SASH1: variants seen among roughly 807,000 people sequenced by gnomAD.
SASH1 encodes SAM and SH3 domain containing 1.
Under a neutral mutation model 125.2 loss-of-function variants are expected in SASH1, and 44 were observed. The observed-to-expected ratio is 0.35, with a 90% CI of 0.28 to 0.45. The LOEUF is 0.45. Ranked by LOEUF, SASH1 falls within the 20% of genes least tolerant of loss-of-function variation. SASH1 has a pLI of 1.00. For missense variants in SASH1, 1,426 were observed against 1,614.5 expected (o/e 0.88, Z 2.00); for synonymous variants, 639 against 649.1 (o/e 0.98, Z 0.24).
the SASH1 span, among the ~76,000 whole-genome samples, chr6:148,206,921 C>T: frequency 3.0e-3 from 461 of 152,224 alleles, 5 homozygotes; most frequent in African/African-American, 0.011. Context: ...CAGCCTTGTC[C>T]TCTAGTGTTC....
chr6:148,516,971 TTTAACCTAGGCTACA>T (rs1194417509), intron 9 of SASH1, among the ~76,000 whole-genome samples: 1 of 152,154 alleles, frequency 6.6e-6, no homozygotes, highest in Non-Finnish European at 1.5e-5. Flanking sequence ...CTGGCCAATC[TTTAACCTAGGCTACA>T]TTGGTGCCCT....
intron 2 of SASH1, among the ~76,000 whole-genome samples, chr6:148,404,436 A>G (rs1352888055): frequency 2.0e-5 from 3 of 152,160 alleles, no homozygotes; most frequent in Non-Finnish European, 4.4e-5. Context: ...AAATGGGTAT[A>G]CAAATATAAA....
intron 2 of SASH1, among the ~76,000 whole-genome samples, chr6:148,437,655 T>C (rs1223431301): frequency 6.6e-6 from 1 of 152,238 alleles, no homozygotes; most frequent in African/African-American, 2.4e-5. Context: ...CGGCATTGCG[T>C]GATGATCACG....
intron 4 of SASH1, among the ~76,000 whole-genome samples, chr6:148,450,829 A>G (rs1022544): frequency 0.89 from 135,654 of 151,972 alleles, 60,829 homozygotes; most frequent in African/African-American, 0.97. Context: ...AAGATGCCCT[A>G]CCTGATACCA....
chr6:148,260,427 C>T, the SASH1 span, among the ~76,000 whole-genome samples: 2 of 151,686 alleles, frequency 1.3e-5, no homozygotes, highest in Non-Finnish European at 2.9e-5. Context: ...GGCAATATAG[C>T]AAGAATGCGT....
intron 1 of SASH1, among the ~76,000 whole-genome samples, chr6:148,301,056 G>A (rs943325893): frequency 2.6e-5 from 4 of 151,822 alleles, no homozygotes; most frequent in Admixed American, 6.6e-5. Flanking sequence ...GGCCGGGCTC[G>A]GTGGCTCATA....
At chr6:148,206,039 A>G in the SASH1 span, among the ~76,000 whole-genome samples, 1 of 152,186 alleles carries the variant, frequency 6.6e-6, no homozygotes, top group Admixed American at 6.5e-5. Flanking sequence ...CTGTAAAAAT[A>G]TATATATAGA....
chr6:148,533,967 G>T lies in SASH1; in HGVS notation c.1931G>T (p.Arg644Leu). The change falls in exon 15 of 20, where the codon CGG becomes CTG. Residue 644 changes from arginine to leucine, a missense_variant. By Grantham distance (102) the Arg-to-Leu change is moderately radical. Around this residue, in one of 3 missense-constraint regions of SASH1, gnomAD observed 225 missense variants for 344.5 expected, o/e 0.65. Coordinates refer to ENST00000367467, the MANE Select transcript of SASH1 (RefSeq NM_015278.5). The surrounding 1 kb of genome is among the most constrained non-coding windows in gnomAD (Gnocchi z 6.2). Reference protein sequence around the residue: ...QPKSVEDLLDRINLKEHMPTF... With the variant: ...QPKSVEDLLDLINLKEHMPTF... Reference sequence around the variant, plus strand: ...AAGTCTGTGGAGGATCTCCTGGATCGGATTAACCTAAAAGTCAGTCGCTTC... The same window carrying T: ...AAGTCTGTGGAGGATCTCCTGGATCTGATTAACCTAAAAGTCAGTCGCTTC... 1 of 1,613,854 alleles carries T rather than the reference G, an allele frequency of 6.2e-7. No individual in the cohort carries two copies.
intron 4 of SASH1, among the ~76,000 whole-genome samples, chr6:148,441,940 ATT>A: frequency 6.6e-6 from 1 of 152,252 alleles, no homozygotes; most frequent in South Asian, 2.1e-4. Context: ...CATTTGTAAT[ATT>A]GTCATTTTGC....
chr6:148,514,999 G>A (rs1562473613), intron 9 of SASH1, among the ~76,000 whole-genome samples: 1 of 152,320 alleles, frequency 6.6e-6, no homozygotes, highest in East Asian at 1.9e-4. Flanking sequence ...TCTTTTAAGA[G>A]TTGTATTGCT....
chr6:148,278,164 C>T (rs9485265), intron 1 of SASH1, among the ~76,000 whole-genome samples: 1,786 of 152,182 alleles, frequency 0.012, 41 homozygotes, highest in African/African-American at 0.04. Context: ...CTCAGCCTGT[C>T]GAGTAGCATT....
At chr6:148,475,560 C>T (rs566247886) in intron 7 of SASH1, among the ~76,000 whole-genome samples, 1 of 152,314 alleles carries the variant, frequency 6.6e-6, no homozygotes, top group African/African-American at 2.4e-5. Context: ...AGTTTCACCT[C>T]TTAACACCGC....
At position 148,516,993 on chromosome 6, in the gene SASH1, C is replaced by T. The variant is rs908968977; in HGVS notation, c.862+2537C>T. On this transcript the variant is annotated intron_variant, in intron 9 of 19. Transcript: ENST00000367467. ...ATCTTTAACCTAGGCTACATTGGTGCCCTTTATCTGCCCATTTCTGTGTCT... is the reference window on the plus strand; with the variant it reads ...ATCTTTAACCTAGGCTACATTGGTGTCCTTTATCTGCCCATTTCTGTGTCT... Among the ~76,000 whole-genome samples, 5 of 152,164 alleles carry T rather than the reference C, an allele frequency of 3.3e-5. No individual in the cohort carries two copies. The East Asian group carries it at 9.6e-4, about 29-fold the overall frequency.
At chr6:148,351,498 C>T (rs769623421) in intron 1 of SASH1, among the ~76,000 whole-genome samples, 1 of 151,976 alleles carries the variant, frequency 6.6e-6, no homozygotes, top group African/African-American at 2.4e-5. Flanking sequence ...ACCCATCACT[C>T]TGCCTGGTTG....
rs138479575 is a variant in SASH1 at position 148,366,219 on chromosome 6, G to A, written c.156+22996G>A. 1.6e-3 allele frequency among the ~76,000 whole-genome samples: 249 copies of A among 152,228 alleles called. 1 individual carries two copies. The highest frequency in any genetic ancestry group is 5.3e-3 in the African/African-American group (222 of 41,536). On this transcript the variant is annotated intron_variant, in intron 1 of 19. Transcript: ENST00000367467. Reference sequence around the variant, plus strand: ...AGATTGCTTGAGCCTGGGACATTGTGGCTGCAGTGAGCTGTGTTCGCGCCA... The same window carrying A: ...AGATTGCTTGAGCCTGGGACATTGTAGCTGCAGTGAGCTGTGTTCGCGCCA...
chr6:148,486,212 C>T (rs1778835309), intron 7 of SASH1, among the ~76,000 whole-genome samples: 1 of 152,124 alleles, frequency 6.6e-6, no homozygotes, highest in Non-Finnish European at 1.5e-5. Context: ...CCTCTGCCTC[C>T]CAGGTTCAAG....
intron 1 of SASH1, among the ~76,000 whole-genome samples, chr6:148,347,890 T>C (rs1781571989): frequency 6.6e-6 from 1 of 152,190 alleles, no homozygotes; most frequent in African/African-American, 2.4e-5. Context: ...TTGGAGGGCT[T>C]CCAGGTGTAA....
chr6:148,243,695 G>A, the SASH1 span, among the ~76,000 whole-genome samples: 3 of 146,364 alleles, frequency 2.0e-5, no homozygotes, highest in Non-Finnish European at 4.5e-5. Context: ...AATGTGATCA[G>A]GAAACTTGAA....
intron 1 of SASH1, among the ~76,000 whole-genome samples, chr6:148,298,109 C>T (rs1330353228): frequency 2.0e-5 from 3 of 147,948 alleles, no homozygotes; most frequent in Non-Finnish European, 3.0e-5. Context: ...TGGGTTCAAG[C>T]GATTCTCCTG....
Sources: gnomAD v4.1 joint callset for allele counts (sites outside exome capture counted in the v4.1 genomes callset) on GRCh38, gnomAD v4.1.1 for gene constraint, gnomAD v4.1.1 regional missense constraint, Gnocchi (gnomAD v3.1) non-coding constraint, MANE v1.5 for transcripts, NCBI Gene and HGNC (gene_info 2026-07-23, HGNC 2026-07-21) for gene names.